The following ATP2C2 variants were observed in gnomAD, a reference collection of about 807,000 sequenced individuals.
ATP2C2 encodes ATPase secretory pathway Ca2+ transporting 2, also known as calcium-transporting ATPase type 2C member 2.
A neutral mutation model predicts 110.8 loss-of-function variants in ATP2C2; 171 were observed. The ratio of observed to expected loss-of-function variants is 1.54; its 90% CI spans 1.36 to 1.75. ATP2C2 has a LOEUF of 1.75. Ranked by LOEUF, ATP2C2 falls within the 40% of genes most tolerant of loss-of-function variation. ATP2C2 has a pLI of 0.00. For synonymous variants in ATP2C2, 804 were observed against 508.4 expected (o/e 1.58, Z -7.82); for missense variants, 1,963 against 1,235.0 (o/e 1.59, Z -8.84).
rs948305257 is a variant in ATP2C2, at chr16:84,398,075, A to G, written c.100-424A>G. Among the ~76,000 whole-genome samples the G allele has an allele frequency of 1.9e-4, 29 of 151,916 alleles. 1 individual carries two copies. Among genetic ancestry groups the G allele is most frequent in the African/African-American group, 7.0e-4 (29 of 41,228 alleles). ...GGGTTAGTTTGTGAGCTGTACACATATGCACACTGTGTGTGTGTGTTTTAT... is the reference window on the plus strand; with the variant it reads ...GGGTTAGTTTGTGAGCTGTACACATGTGCACACTGTGTGTGTGTGTTTTAT... On this transcript the variant is annotated intron_variant, in intron 1 of 26. Transcript: ENST00000262429.
At chr16:84,459,984 G>T in intron 23 of ATP2C2, 1 of 248,206 alleles carries the variant, frequency 4.0e-6, no homozygotes, top group Non-Finnish European at 8.0e-6. Flanking sequence ...GGAGTCAGGG[G>T]ACCCATCTGG....
intron 11 of ATP2C2, among the ~76,000 whole-genome samples, chr16:84,427,690 C>A (rs563246712): frequency 3.9e-5 from 6 of 152,222 alleles, no homozygotes; most frequent in African/African-American, 1.4e-4. Context: ...GCCCTCCAGC[C>A]TGGGTGACAG....
At chr16:84,439,136 A>C in intron 11 of ATP2C2, 30 bp from the exon 12 acceptor site, 3 of 1,611,610 alleles carry the variant, frequency 1.9e-6, no homozygotes, top group Non-Finnish European at 2.5e-6. Flanking sequence ...TAAATGTGTT[A>C]GAGGGGACTC....
intron 23 of ATP2C2, 97 bp downstream of exon 23, chr16:84,459,483 C>T (rs753106352): frequency 1.8e-5 from 28 of 1,594,008 alleles, no homozygotes; most frequent in Non-Finnish European, 2.4e-5. Context: ...TAGGGATGAA[C>T]AAATACAGCC....
intron 1 of ATP2C2, among the ~76,000 whole-genome samples, chr16:84,370,989 C>A (rs1425801478): frequency 2.0e-5 from 3 of 152,180 alleles, no homozygotes; most frequent in African/African-American, 7.2e-5. Context: ...TTCCTGACAG[C>A]CAGTTTTGCT....
intron 1 of ATP2C2, 87 bp downstream of exon 1, chr16:84,368,801 C>G: frequency 8.5e-7 from 1 of 1,169,704 alleles, no homozygotes. Context: ...ACCCCGCGTT[C>G]GCGCTGCGAT....
intron 2 of ATP2C2, among the ~76,000 whole-genome samples, chr16:84,398,938 A>C (rs1905153001): frequency 6.6e-6 from 1 of 152,252 alleles, no homozygotes; most frequent in African/African-American, 2.4e-5. Flanking sequence ...AGCACAGTCC[A>C]GTGTTAGAGG....
chr16:84,369,435 A>C (rs1198881178), intron 1 of ATP2C2, among the ~76,000 whole-genome samples: 1 of 151,812 alleles, frequency 6.6e-6, no homozygotes, highest in Admixed American at 6.6e-5. Flanking sequence ...AACTCGTTGC[A>C]TGCTTTAAGG....
intron 10 of ATP2C2, among the ~76,000 whole-genome samples, chr16:84,424,784 T>C (rs1907664395): frequency 6.6e-6 from 1 of 152,088 alleles, no homozygotes; most frequent in Non-Finnish European, 1.5e-5. Flanking sequence ...AAGCTACTAA[T>C]GTATAGACAC....
At chr16:84,421,231 G>C (rs1018354750) in intron 7 of ATP2C2, among the ~76,000 whole-genome samples, 1 of 152,210 alleles carries the variant, frequency 6.6e-6, no homozygotes, top group Non-Finnish European at 1.5e-5. Context: ...CTGGAGCCGC[G>C]GGAGCCACAG....
intron 24 of ATP2C2, 26 bp from the exon 25 acceptor site, chr16:84,461,688 C>T (rs368012693): frequency 7.5e-6 from 12 of 1,602,652 alleles, no homozygotes; most frequent in African/African-American, 1.3e-5. Context: ...CCCGCCTAAC[C>T]TCTCACCTTT....
intron 21 of ATP2C2, among the ~76,000 whole-genome samples, chr16:84,458,585 C>A (rs549242152): frequency 3.3e-5 from 5 of 151,964 alleles, no homozygotes; most frequent in Non-Finnish European, 7.4e-5. Flanking sequence ...GCGGTGGGGG[C>A]ACCCACGGTG....
chr16:84,432,012 C>T (rs528877166), intron 11 of ATP2C2, among the ~76,000 whole-genome samples: 7 of 152,176 alleles, frequency 4.6e-5, no homozygotes, highest in South Asian at 4.1e-4. Flanking sequence ...GGTCTCCCGC[C>T]GAGCTGAAGA....
At position 84,448,564 on chromosome 16, in the gene ATP2C2, C is replaced by T; in HGVS notation, c.1535C>T (p.Ala512Val). Residue 512 changes from alanine (A) to valine (V), a missense_variant, in exon 17 of 27, where the codon GCC becomes GTC. Transcript: ENST00000262429. Reference sequence around the variant, plus strand: ...GAAGACATTTACTTCATGAAAGGGGCCTTGGAAGAGGTGATCCGCTACTGC... The same window carrying T: ...GAAGACATTTACTTCATGAAAGGGGTCTTGGAAGAGGTGATCCGCTACTGC... ...DQEDIYFMKG[A>V]LEEVIRYCTM... is the part of the protein sequence containing the mutation. 6.2e-7 allele frequency: 1 copy of T among 1,613,084 alleles called. No homozygotes were observed. The highest frequency in any genetic ancestry group is 1.1e-5 in the South Asian group (1 of 90,942).
chr16:84,390,631 G>A (rs952041896), intron 1 of ATP2C2, among the ~76,000 whole-genome samples: 4 of 152,174 alleles, frequency 2.6e-5, no homozygotes, highest in African/African-American at 7.2e-5. Flanking sequence ...TGGAAAGGGC[G>A]TGGGGAGTGC....
At chr16:84,461,034 G>T in intron 24 of ATP2C2, 1 of 542,020 alleles carries the variant, frequency 1.8e-6, no homozygotes, top group Non-Finnish European at 3.1e-6. Flanking sequence ...GGCCAGCGGG[G>T]TGGAGATGAC....
chr16:84,450,000 C>G (rs1340290511), intron 17 of ATP2C2, among the ~76,000 whole-genome samples: 1 of 152,250 alleles, frequency 6.6e-6, no homozygotes, highest in African/African-American at 2.4e-5. Flanking sequence ...CCAGGTGACA[C>G]AGCCCTGCCT....
At chr16:84,438,953 C>T (rs917535271) in intron 11 of ATP2C2, 92 of 555,752 alleles carry the variant, frequency 1.7e-4, no homozygotes, top group Non-Finnish European at 3.7e-5. Context: ...AGGAGAGGTC[C>T]CTTCCCAAGA....
At chr16:84,402,488 G>A (rs972521340) in intron 2 of ATP2C2, among the ~76,000 whole-genome samples, 3 of 151,950 alleles carry the variant, frequency 2.0e-5, no homozygotes, top group Non-Finnish European at 4.4e-5. Context: ...TCTATACCTA[G>A]TTTTTTTAGG....
Sources: allele counts gnomAD v4.1 joint callset (sites outside exome capture counted in the v4.1 genomes callset), GRCh38; gene constraint gnomAD v4.1.1; transcripts MANE v1.5; gene names NCBI Gene and HGNC (gene_info 2026-07-23, HGNC 2026-07-21).